Variants in LRRC4C observed in about 807,000 individuals in gnomAD.
LRRC4C encodes the protein leucine-rich repeat-containing protein 4C.
In LRRC4C, 5 loss-of-function variants were observed where a neutral mutation model predicts 33.6. That is an observed-to-expected ratio of 0.15 (90% CI 0.08 to 0.31). The LOEUF is 0.31. LRRC4C is among the 10% of genes least tolerant of loss of function. The probability of loss-of-function intolerance (pLI) is 1.00; values close to 1 mark genes in which losing one functional copy is unlikely to be tolerated. For synonymous variants in LRRC4C, 329 were observed against 302.0 expected, an observed-to-expected ratio of 1.09 and a Z score of -0.93; for missense variants, 560 against 796.7, an observed-to-expected ratio of 0.70 and a Z score of 3.58.
At chr11:41,181,915 T>G (rs1237659708) in intron 1 of LRRC4C, among the ~76,000 whole-genome samples, 1 of 152,182 alleles carries the variant, frequency 6.6e-6, no homozygotes, top group East Asian at 1.9e-4. Context: ...AAAGACTCTT[T>G]ACTTAAATTT....
At chr11:41,131,332 A>G (rs1943002241) in intron 1 of LRRC4C, among the ~76,000 whole-genome samples, 1 of 152,002 alleles carries the variant, frequency 6.6e-6, no homozygotes, top group Non-Finnish European at 1.5e-5. Context: ...TCAAATGTAC[A>G]ACTACTTTAA....
At chr11:40,673,876 A>G (rs1000591877) in intron 2 of LRRC4C, among the ~76,000 whole-genome samples, 2 of 152,134 alleles carry the variant, frequency 1.3e-5, no homozygotes, top group African/African-American at 2.4e-5. Context: ...TAAATTAATG[A>G]TGGTCACCAA....
chr11:40,329,952 A>C (rs1260800961), intron 3 of LRRC4C, among the ~76,000 whole-genome samples: 1 of 152,004 alleles, frequency 6.6e-6, no homozygotes, highest in Non-Finnish European at 1.5e-5. Flanking sequence ...TGTGTTAGCC[A>C]GGATGGTCTC....
intron 3 of LRRC4C, among the ~76,000 whole-genome samples, chr11:40,349,555 T>C (rs781172741): frequency 1.5e-4 from 23 of 152,132 alleles, no homozygotes; most frequent in Non-Finnish European, 2.8e-4. Context: ...ATTTCTTCAA[T>C]ATACTGATTT....
rs574679498 is a variant in LRRC4C, at chr11:41,134,446, C to A, written c.-495-200723G>T. 2.6e-5 allele frequency among the ~76,000 whole-genome samples: 4 copies of A among 152,220 alleles called. No homozygotes were observed. In the South Asian group the frequency reaches 8.3e-4, roughly 32 times the overall value. ...CAGAATAAACTTCTTTAAAATATAA[C>A]CACTAACATAGTAGTCATCCTAGGA... On this transcript the variant is annotated intron_variant, in intron 1 of 6. Coordinates refer to ENST00000528697, the MANE Select transcript of LRRC4C (RefSeq NM_001258419.2).
chr11:40,929,701 G>A (rs1343405600), intron 2 of LRRC4C, among the ~76,000 whole-genome samples: 3 of 151,970 alleles, frequency 2.0e-5, no homozygotes, highest in African/African-American at 7.3e-5. Context: ...TGCAAGCTCC[G>A]CCTCCCGGGT....
chr11:40,227,421 T>C (rs1864886161), intron 5 of LRRC4C, among the ~76,000 whole-genome samples: 1 of 152,170 alleles, frequency 6.6e-6, no homozygotes, highest in African/African-American at 2.4e-5. Flanking sequence ...AGCCTGTTTG[T>C]GAAGTTAGAA....
At chr11:41,389,420 C>T (rs1953492650) in intron 1 of LRRC4C, among the ~76,000 whole-genome samples, 1 of 151,588 alleles carries the variant, frequency 6.6e-6, no homozygotes, top group Admixed American at 6.6e-5. Context: ...ACAAATAAAA[C>T]ACACAGCGAC....
rs79293748 is a variant in LRRC4C, at chr11:40,669,830, T to C, written c.-406-21552A>G. Among the ~76,000 whole-genome samples the C allele has an allele frequency of 2.3e-3, 353 of 152,356 alleles. 2 individuals are homozygous for C. The highest frequency in any genetic ancestry group is 3.9e-3 in the Non-Finnish European group (265 of 68,022). On this transcript the variant is annotated intron_variant, in intron 2 of 6. Coordinates refer to ENST00000528697, the MANE Select transcript of LRRC4C (RefSeq NM_001258419.2). ...TCTGCTGGCTAAAGCCACCTTTCTA[T>C]CTGACTGATACAGAATTTAACATCT...
At chr11:40,908,435 C>T (rs549510559) in intron 2 of LRRC4C, among the ~76,000 whole-genome samples, 4 of 152,140 alleles carry the variant, frequency 2.6e-5, no homozygotes, top group Non-Finnish European at 5.9e-5. Flanking sequence ...GACTGATAAG[C>T]TTTATTTGCT....
intron 5 of LRRC4C, among the ~76,000 whole-genome samples, chr11:40,163,835 T>TCC (rs1859365757): frequency 6.6e-6 from 1 of 151,908 alleles, no homozygotes; most frequent in Non-Finnish European, 1.5e-5. Flanking sequence ...GTTATAAGGA[T>TCC]TTATAACTTG....
chr11:41,205,947 GA>G lies in LRRC4C; in HGVS notation c.-496+253483del, dbSNP rs535483350. ...TGCATTTTACTACTAAGCTTTTTAA[GA>G]AAAAAACTCCTTAGCTGGCCAGTGT... is the stretch of plus-strand genomic sequence containing the variant. On this transcript the variant is annotated intron_variant, in intron 1 of 6. Transcript: ENST00000528697. Among the ~76,000 whole-genome samples, 632 of 152,116 alleles carry G rather than the reference GA, an allele frequency of 4.2e-3. 4 individuals are homozygous for G. Among genetic ancestry groups the G allele is most frequent in the African/African-American group, 0.014 (599 of 41,522 alleles).
Position 40,957,298 on chromosome 11 carries a change from T to G in LRRC4C, c.-495-23575A>C, listed in dbSNP as rs527821330. Among the ~76,000 whole-genome samples the G allele has an allele frequency of 2.0e-5, 3 of 151,890 alleles. No homozygotes were observed. In the East Asian group the frequency reaches 5.8e-4, roughly 30 times the overall value. On this transcript the variant is annotated intron_variant, in intron 1 of 6. Transcript: ENST00000528697. ...TAGCAATTGTAGGTGACAGGCGGGC[T>G]AGTATCACAGGTAAAACATTTCTGT... is the stretch of plus-strand genomic sequence containing the variant.
intron 3 of LRRC4C, among the ~76,000 whole-genome samples, chr11:40,383,383 G>A (rs1948970821): frequency 6.6e-6 from 1 of 152,148 alleles, no homozygotes; most frequent in Admixed American, 6.5e-5. Context: ...CCAGAAGTGG[G>A]ATTGCTGGAT....
intron 3 of LRRC4C, among the ~76,000 whole-genome samples, chr11:40,500,457 AG>A (rs1257233453): frequency 1.3e-5 from 2 of 151,828 alleles, no homozygotes; most frequent in African/African-American, 4.8e-5. Flanking sequence ...GACATACCTG[AG>A]ACTGGGAAGA....
chr11:40,860,891 A>C lies in LRRC4C; in HGVS notation c.-407+72744T>G, dbSNP rs1954062566. 4.0e-5 allele frequency among the ~76,000 whole-genome samples: 6 copies of C among 149,662 alleles called. No homozygotes were observed. In the Admixed American group the frequency reaches 4.0e-4, roughly 10 times the overall value. On this transcript the variant is annotated intron_variant, in intron 2 of 6. Coordinates refer to ENST00000528697, the MANE Select transcript of LRRC4C (RefSeq NM_001258419.2). ...ACAAGGTTTTATTTTGATATGATGAAAATATTTTGGAACTAGAAAGTAGCA... is the reference window on the plus strand; with the variant it reads ...ACAAGGTTTTATTTTGATATGATGACAATATTTTGGAACTAGAAAGTAGCA...
chr11:41,417,816 CA>C (rs1265764646), intron 1 of LRRC4C, among the ~76,000 whole-genome samples: 1 of 151,684 alleles, frequency 6.6e-6, no homozygotes, highest in African/African-American at 2.4e-5. Flanking sequence ...TTTTTCTGTA[CA>C]CTATACATAT....
chr11:40,979,220 A>T (rs367805232), intron 1 of LRRC4C, among the ~76,000 whole-genome samples: 1 of 152,152 alleles, frequency 6.6e-6, no homozygotes, highest in African/African-American at 2.4e-5. Flanking sequence ...TAATTACAAA[A>T]ATATTGTCAG....
chr11:40,753,066 T>A (rs1170297841), intron 2 of LRRC4C, among the ~76,000 whole-genome samples: 1 of 152,050 alleles, frequency 6.6e-6, no homozygotes, highest in Non-Finnish European at 1.5e-5. Flanking sequence ...TTATTTTATT[T>A]TATTTTATTT....
Sources: allele counts gnomAD v4.1 joint callset (sites outside exome capture counted in the v4.1 genomes callset), GRCh38; gene constraint gnomAD v4.1.1; transcripts MANE v1.5; gene names NCBI Gene and HGNC (gene_info 2026-07-23, HGNC 2026-07-21).